Variants in COL4A4 observed in about 807,000 individuals in gnomAD.
COL4A4 encodes collagen alpha-4(IV) chain.
COL4A4 carries 105 observed loss-of-function variants against 192.9 expected under a neutral mutation model. The ratio of observed to expected loss-of-function variants is 0.54; its 90% CI spans 0.46 to 0.64. COL4A4 has a LOEUF of 0.64. COL4A4 is among the 30% of genes least tolerant of loss of function. COL4A4 has a pLI of 0.00. For synonymous variants in COL4A4, 762 were observed against 769.9 expected, an observed-to-expected ratio of 0.99 and a Z score of 0.17; for missense variants, 1,967 against 2,169.3, an observed-to-expected ratio of 0.91 and a Z score of 1.85.
chr2:227,031,041 A>G (rs78370921), intron 40 of COL4A4, among the ~76,000 whole-genome samples: 30 of 146,342 alleles, frequency 2.0e-4, no homozygotes, highest in African/African-American at 4.4e-4. Flanking sequence ...TTGGATGGAC[A>G]GATGGATGGA....
chr2:227,070,307 G>T (rs1440644859), intron 25 of COL4A4, among the ~76,000 whole-genome samples: 1 of 152,250 alleles, frequency 6.6e-6, no homozygotes, highest in East Asian at 1.9e-4. Context: ...GGAAGTCAGT[G>T]TGGCGATTCC....
chr2:226,972,659 C>T, the COL4A4 span, among the ~76,000 whole-genome samples: 1 of 152,178 alleles, frequency 6.6e-6, no homozygotes, highest in African/African-American at 2.4e-5. Flanking sequence ...TTTTTTGAGT[C>T]AGTCATTCAG....
chr2:226,991,616 C>G, the COL4A4 span, among the ~76,000 whole-genome samples: 18,622 of 152,238 alleles, frequency 0.12, 1,251 homozygotes, highest in African/African-American at 0.16. Context: ...ATGTGGCACT[C>G]AGCTAATCAT....
intron 22 of COL4A4, among the ~76,000 whole-genome samples, chr2:227,083,719 G>A (rs2059438012): frequency 6.6e-6 from 1 of 152,170 alleles, no homozygotes; most frequent in South Asian, 2.1e-4. Context: ...AAGTGTTGAG[G>A]CTACAGGAGT....
chr2:227,018,495 A>G (rs1965366727), intron 44 of COL4A4, among the ~76,000 whole-genome samples: 1 of 152,196 alleles, frequency 6.6e-6, no homozygotes, highest in South Asian at 2.1e-4. Context: ...ATGGCGGAGA[A>G]GAGAGGTCCT....
intron 41 of COL4A4, 132 bp downstream of exon 41, chr2:227,030,311 G>A (rs778196398): frequency 3.0e-6 from 3 of 1,000,350 alleles, no homozygotes; most frequent in Non-Finnish European, 3.1e-6. Flanking sequence ...GACTCTTTGG[G>A]GAAATAAGGA....
At chr2:227,112,417 C>T (rs1262104980) in intron 8 of COL4A4, among the ~76,000 whole-genome samples, 12 of 152,140 alleles carry the variant, frequency 7.9e-5, no homozygotes, top group South Asian at 2.1e-4. Flanking sequence ...TACAGGCATG[C>T]GCCACCATGC....
At chr2:227,145,531 C>T (rs1295286945) in intron 2 of COL4A4, among the ~76,000 whole-genome samples, 2 of 152,232 alleles carry the variant, frequency 1.3e-5, no homozygotes, top group Non-Finnish European at 2.9e-5. Context: ...GATCCATCAT[C>T]TTATTTAACG....
chr2:227,096,391 G>C (rs545221577), intron 19 of COL4A4, among the ~76,000 whole-genome samples: 9 of 152,082 alleles, frequency 5.9e-5, no homozygotes, highest in Non-Finnish European at 1.5e-5. Flanking sequence ...AATTTTTTCC[G>C]CAAGAGATAA....
Position 227,088,695 on chromosome 2 carries a change from AC to A in COL4A4, c.1580del (p.Gly527ValfsTer126), listed in dbSNP as rs2059732983. 1 of 1,613,930 alleles carries A rather than the reference AC, an allele frequency of 6.2e-7. No homozygotes were observed. Among genetic ancestry groups the A allele is most frequent in the Non-Finnish European group, 8.5e-7 (1 of 1,180,018 alleles). On this transcript the variant is annotated frameshift_variant, in exon 22 of 48. Coordinates refer to ENST00000396625, the MANE Select transcript of COL4A4 (RefSeq NM_000092.5). LOFTEE classifies it high-confidence loss of function. ...LGLPGWLGTK[G>X]DPGPPGAEGP... is the part of the protein sequence containing the mutation. ...CTTCAGCACCAGGAGGTCCTGGGTC[AC>A]CTTTTGTTCCAAGCCAGCCAGGGAG...
At chr2:227,106,012 A>G (rs1477704285) in intron 12 of COL4A4, among the ~76,000 whole-genome samples, 1 of 151,284 alleles carries the variant, frequency 6.6e-6, no homozygotes, top group African/African-American at 2.4e-5. Flanking sequence ...TGCTTTTGAT[A>G]GGTGGAATTT....
chr2:227,160,399 G>A, intron 1 of COL4A4, among the ~76,000 whole-genome samples: 1 of 152,292 alleles, frequency 6.6e-6, no homozygotes, highest in East Asian at 1.9e-4. Flanking sequence ...AGTGAAATGT[G>A]AGTAGAAGTA....
intron 25 of COL4A4, among the ~76,000 whole-genome samples, chr2:227,072,592 TAC>T (rs146485966): frequency 5.3e-5 from 8 of 149,994 alleles, no homozygotes; most frequent in Admixed American, 6.7e-5. Flanking sequence ...CAGGAAAAGA[TAC>T]ACACACACAC....
intron 31 of COL4A4, among the ~76,000 whole-genome samples, chr2:227,053,141 A>G (rs1293356243): frequency 2.0e-5 from 3 of 152,120 alleles, no homozygotes; most frequent in Admixed American, 6.6e-5. Flanking sequence ...CGTTAGTCCA[A>G]ATTTTAATTT....
intron 1 of COL4A4, among the ~76,000 whole-genome samples, chr2:227,156,128 G>T (rs2125499574): frequency 6.6e-6 from 1 of 152,198 alleles, no homozygotes; most frequent in African/African-American, 2.4e-5. Flanking sequence ...GCCGGGTGTG[G>T]TGGCTCACAC....
chr2:227,015,012 C>T (rs981345073), intron 44 of COL4A4, among the ~76,000 whole-genome samples: 1 of 151,648 alleles, frequency 6.6e-6, no homozygotes. Flanking sequence ...GATTCTCCTG[C>T]CTCAGCCTCC....
chr2:227,087,701 T>C (rs2059678809), intron 22 of COL4A4, among the ~76,000 whole-genome samples: 1 of 152,180 alleles, frequency 6.6e-6, no homozygotes, highest in Admixed American at 6.6e-5. Flanking sequence ...CTTATCCATA[T>C]GGTCTATGCT....
chr2:227,078,972 C>T (rs1478618771), intron 24 of COL4A4, among the ~76,000 whole-genome samples: 3 of 152,220 alleles, frequency 2.0e-5, no homozygotes, highest in Admixed American at 6.5e-5. Flanking sequence ...TGTGGGGAGC[C>T]TGCATCAAGG....
In COL4A4 at chr2:227,005,470, A is replaced by C. The variant is rs918109947; in HGVS notation, c.*1855T>G. On this transcript the variant is annotated 3_prime_UTR_variant, in exon 48 of 48. Transcript: ENST00000396625. ...AATTGGCTTAAGTTTTAGGTGCACA[A>C]AAATATTCAACATGCCAGAGCATGG... 7.2e-5 allele frequency: 11 copies of C among 152,240 alleles called. No homozygotes were observed. Among genetic ancestry groups the C allele is most frequent in the African/African-American group, 2.7e-4 (11 of 41,466 alleles). The allele number at this position is 152,240 out of a possible 1,614,324, so 9.4% of individuals were successfully genotyped here. A position where few individuals can be genotyped will look rare whatever the true frequency, so the allele number is the denominator to read the frequency against.
Sources: allele counts gnomAD v4.1 joint callset (sites outside exome capture counted in the v4.1 genomes callset), GRCh38; gene constraint gnomAD v4.1.1; transcripts MANE v1.5; gene names NCBI Gene and HGNC (gene_info 2026-07-23, HGNC 2026-07-21).